AFG2A: variants seen among roughly 807,000 people sequenced by gnomAD.
AFG2A encodes the protein AAA ATPase AFG2A, also known as ATPase family gene 2 protein homolog A.
the AFG2A span, among the ~76,000 whole-genome samples, chr4:123,048,070 T>A: frequency 6.6e-6 from 1 of 152,208 alleles, no homozygotes. Context: ...GTTTCATCCT[T>A]CTGCATATGG....
At chr4:123,175,345 A>G in the AFG2A span, among the ~76,000 whole-genome samples, 1 of 152,344 alleles carries the variant, frequency 6.6e-6, no homozygotes, top group South Asian at 2.1e-4. Flanking sequence ...AGTTGTTACT[A>G]GACAATTCAT....
chr4:123,235,280 T>G, the AFG2A span, among the ~76,000 whole-genome samples: 1 of 152,200 alleles, frequency 6.6e-6, no homozygotes, highest in Non-Finnish European at 1.5e-5. Context: ...TACACTTTTG[T>G]GTTGTATACA....
At chr4:122,966,181 C>A in the AFG2A span, among the ~76,000 whole-genome samples, 1 of 152,082 alleles carries the variant, frequency 6.6e-6, no homozygotes, top group Non-Finnish European at 1.5e-5. Context: ...AAATAGGATA[C>A]GTTTATATAG....
chr4:123,122,087 T>C, the AFG2A span, among the ~76,000 whole-genome samples: 1 of 152,214 alleles, frequency 6.6e-6, no homozygotes, highest in Non-Finnish European at 1.5e-5. Context: ...CTCACCGATT[T>C]ACACATATCA....
chr4:122,970,450 G>C, the AFG2A span, among the ~76,000 whole-genome samples: 3 of 150,984 alleles, frequency 2.0e-5, no homozygotes, highest in East Asian at 3.9e-4. Flanking sequence ...ATGCATGGCT[G>C]TATCTAGAAA....
At chr4:123,044,142 C>T in the AFG2A span, among the ~76,000 whole-genome samples, 8 of 152,292 alleles carry the variant, frequency 5.3e-5, no homozygotes, top group Admixed American at 3.3e-4. Context: ...TGATTGAAAG[C>T]TCTGCCCTTG....
the AFG2A span, among the ~76,000 whole-genome samples, chr4:123,191,214 A>G: frequency 6.6e-6 from 1 of 152,198 alleles, no homozygotes; most frequent in Non-Finnish European, 1.5e-5. Flanking sequence ...GAAGAAATAT[A>G]AATCTGTGTT....
chr4:122,953,423 C>G, the AFG2A span, among the ~76,000 whole-genome samples: 3 of 152,224 alleles, frequency 2.0e-5, no homozygotes, highest in Non-Finnish European at 2.9e-5. Context: ...GCATTTGGCT[C>G]TAGTATCCAC....
At chr4:123,101,502 A>T in the AFG2A span, among the ~76,000 whole-genome samples, 1 of 152,134 alleles carries the variant, frequency 6.6e-6, no homozygotes, top group African/African-American at 2.4e-5. Flanking sequence ...ATAGATATTT[A>T]AAACCAGCTA....
chr4:123,026,795 C>A, the AFG2A span, among the ~76,000 whole-genome samples: 1 of 152,196 alleles, frequency 6.6e-6, no homozygotes, highest in African/African-American at 2.4e-5. Context: ...AGACCCCAAT[C>A]TTTCCATTCA....
At chr4:123,016,046 C>A in the AFG2A span, among the ~76,000 whole-genome samples, 2 of 15,544 alleles carry the variant, frequency 1.3e-4, 1 homozygote, top group African/African-American at 2.3e-4. Context: ...CTGACCCCCC[C>A]ACTTCCTTCC....
chr4:122,955,245 G>A, the AFG2A span, among the ~76,000 whole-genome samples: 621 of 152,202 alleles, frequency 4.1e-3, 2 homozygotes, highest in African/African-American at 0.013. Flanking sequence ...GGCACCCTCC[G>A]TGCAGCAGCC....
chr4:122,931,132 G>A, the AFG2A span, among the ~76,000 whole-genome samples: 1 of 152,206 alleles, frequency 6.6e-6, no homozygotes, highest in South Asian at 2.1e-4. Context: ...AAATTGGTTT[G>A]ATATTTTTAC....
the AFG2A span, among the ~76,000 whole-genome samples, chr4:123,046,154 T>A: frequency 3.9e-5 from 6 of 152,278 alleles, no homozygotes; most frequent in South Asian, 2.1e-4. Context: ...AAGAGATTTT[T>A]AAATTTATTT....
the AFG2A span, among the ~76,000 whole-genome samples, chr4:123,112,677 T>A: frequency 1.3e-5 from 2 of 152,192 alleles, no homozygotes; most frequent in Non-Finnish European, 2.9e-5. Flanking sequence ...GAATTTTTTT[T>A]ATATCTGATT....
chr4:123,134,027 T>G, the AFG2A span, among the ~76,000 whole-genome samples: 2 of 152,228 alleles, frequency 1.3e-5, no homozygotes, highest in African/African-American at 4.8e-5. Context: ...TATTAGCTCT[T>G]TATTAGATGT....
chr4:122,939,071 C>CTCTCT, the AFG2A span, among the ~76,000 whole-genome samples: 15 of 76,212 alleles, frequency 2.0e-4, 6 homozygotes, highest in Non-Finnish European at 2.0e-4. Context: ...GGGATATGTT[C>CTCTCT]TTTCTTTTTT....
chr4:123,272,340 G>A, the AFG2A span, among the ~76,000 whole-genome samples: 1 of 152,050 alleles, frequency 6.6e-6, no homozygotes, highest in Admixed American at 6.6e-5. Flanking sequence ...TGTTATTTGT[G>A]AAACTTGGTT....
the AFG2A span, among the ~76,000 whole-genome samples, chr4:123,121,268 T>C: frequency 7.1e-6 from 1 of 141,236 alleles, no homozygotes; most frequent in Non-Finnish European, 1.5e-5. Flanking sequence ...AAATAATAAA[T>C]AAAAAATTTA....
Sources: gnomAD v4.1 joint callset for allele counts (sites outside exome capture counted in the v4.1 genomes callset) on GRCh38, gnomAD v4.1.1 for gene constraint, MANE v1.5 for transcripts, NCBI Gene and HGNC (gene_info 2026-07-23, HGNC 2026-07-21) for gene names.